The following GOLGA5 variants were observed in gnomAD, a reference collection of about 807,000 sequenced individuals.
GOLGA5 encodes golgin A5, also known as golgin subfamily A member 5.
GOLGA5 carries 50 observed loss-of-function variants against 93.5 expected under a neutral mutation model. The ratio of observed to expected loss-of-function variants is 0.53; its 90% confidence interval spans 0.43 to 0.68. The LOEUF (loss-of-function observed/expected upper bound fraction) is 0.68. GOLGA5 is among the 30% of genes least tolerant of loss of function. GOLGA5 has a pLI of 0.00. For missense variants in GOLGA5, 760 were observed against 856.4 expected, an observed-to-expected ratio of 0.89 and a Z score of 1.40; for synonymous variants, 312 against 304.5, an observed-to-expected ratio of 1.02 and a Z score of -0.26.
intron 9 of GOLGA5, among the ~76,000 whole-genome samples, chr14:92,831,917 G>C (rs1885539620): frequency 6.6e-6 from 1 of 152,144 alleles, no homozygotes; most frequent in Admixed American, 6.6e-5. Context: ...AAGGAAACAG[G>C]CTCAGATTTA....
At position 92,816,315 on chromosome 14, in the gene GOLGA5, C is replaced by T. The variant is rs763747760; in HGVS notation, c.1385C>T (p.Thr462Ile). The part of the protein sequence containing the change: ...GSGFEGLDSS[T>I]ASSMELEELR... Reference sequence around the variant, plus strand: ...GGTTTTGAAGGCCTAGATAGCAGCACTGCCAGTAGCATGGAGCTGGAAGAA... The same window carrying T: ...GGTTTTGAAGGCCTAGATAGCAGCATTGCCAGTAGCATGGAGCTGGAAGAA... Residue 462 changes from threonine (T) to isoleucine (I), a missense_variant, in exon 7 of 13, where the codon ACT becomes ATT. Thr to Ile is a moderately conservative substitution (Grantham distance 89). Transcript: ENST00000163416. The T allele has an allele frequency of 1.9e-6, 3 of 1,613,774 alleles. No homozygotes were observed. Among genetic ancestry groups the T allele is most frequent in the Admixed American group, 1.7e-5 (1 of 60,010 alleles).
At chr14:92,806,051 A>G (rs1884979121) in intron 2 of GOLGA5, among the ~76,000 whole-genome samples, 1 of 149,042 alleles carries the variant, frequency 6.7e-6, no homozygotes, top group African/African-American at 2.5e-5. Context: ...CAGCTACTCT[A>G]TTGTGCCTTC....
At position 92,809,497 on chromosome 14, in the gene GOLGA5, G is replaced by T; in HGVS notation, c.970G>T (p.Ala324Ser). The T allele has an allele frequency of 6.2e-7, 1 of 1,610,932 alleles. No individual in the cohort carries two copies. Among genetic ancestry groups the T allele is most frequent in the South Asian group, 1.1e-5 (1 of 90,874 alleles). Residue 324 changes from alanine to serine, a missense_variant, in exon 4 of 13, where the codon GCC becomes TCC. Physicochemically the swap from Ala to Ser is moderately conservative, Grantham distance 99. Coordinates refer to ENST00000163416, the MANE Select transcript of GOLGA5 (RefSeq NM_005113.4). The stretch of plus-strand genomic sequence containing the variant: ...GAGTACTCGCACAGAAGCATTAGAA[G>T]CCTTACAGAGTGAAAAATCACGGTA... ...LLSTRTEALEALQSEKSRIMQ... is the reference protein window; with the variant it reads ...LLSTRTEALESLQSEKSRIMQ...
chr14:92,822,687 C>G (rs145702513), intron 8 of GOLGA5, among the ~76,000 whole-genome samples: 1 of 152,042 alleles, frequency 6.6e-6, no homozygotes, highest in Non-Finnish European at 1.5e-5. Flanking sequence ...GACGGAGTGT[C>G]GCTCTGTTGC....
chr14:92,838,836 C>T (rs912139167), intron 12 of GOLGA5, among the ~76,000 whole-genome samples: 2 of 151,744 alleles, frequency 1.3e-5, no homozygotes, highest in Admixed American at 6.6e-5. Flanking sequence ...TTCTGGCACA[C>T]GACAAAGTGG....
intron 8 of GOLGA5, 128 bp from the exon 9 acceptor site, chr14:92,824,418 G>A (rs919676317): frequency 3.5e-6 from 2 of 568,024 alleles, no homozygotes; most frequent in South Asian, 2.5e-5. Context: ...TATAAACTCA[G>A]TTATATACGG....
At chr14:92,803,128 C>T (rs926489627) in intron 2 of GOLGA5, among the ~76,000 whole-genome samples, 1 of 152,092 alleles carries the variant, frequency 6.6e-6, no homozygotes, top group Non-Finnish European at 1.5e-5. Flanking sequence ...CTCAATCTCC[C>T]AGGCTCAAGC....
At chr14:92,808,054 G>A (rs889908660) in intron 3 of GOLGA5, among the ~76,000 whole-genome samples, 1 of 152,070 alleles carries the variant, frequency 6.6e-6, no homozygotes, top group Non-Finnish European at 1.5e-5. Context: ...CCAACATGGT[G>A]AAACCCGTCT....
chr14:92,823,370 T>C (rs1595600474), intron 8 of GOLGA5, among the ~76,000 whole-genome samples: 1 of 151,994 alleles, frequency 6.6e-6, no homozygotes, highest in Non-Finnish European at 1.5e-5. Context: ...TGTTTTAATG[T>C]CTTTATGACC....
intron 6 of GOLGA5, 107 bp downstream of exon 6, chr14:92,811,861 A>G (rs1242021449): frequency 2.2e-5 from 18 of 805,880 alleles, no homozygotes; most frequent in Non-Finnish European, 3.8e-5. Flanking sequence ...TGTTCGTCTG[A>G]TTGGCTAGCT....
At chr14:92,830,441 G>A (rs1398678113) in intron 9 of GOLGA5, among the ~76,000 whole-genome samples, 1 of 150,694 alleles carries the variant, frequency 6.6e-6, no homozygotes, top group African/African-American at 2.4e-5. Context: ...TATCATTAGT[G>A]TTAGTGTATT....
intron 11 of GOLGA5, among the ~76,000 whole-genome samples, chr14:92,836,744 C>T (rs1341970661): frequency 1.3e-5 from 2 of 152,116 alleles, no homozygotes; most frequent in African/African-American, 4.8e-5. Context: ...CCCACCTAAT[C>T]TTTCGTAACT....
chr14:92,799,778 G>C (rs1227489035), intron 2 of GOLGA5, among the ~76,000 whole-genome samples: 3 of 151,432 alleles, frequency 2.0e-5, no homozygotes, highest in Admixed American at 6.6e-5. Flanking sequence ...GCTAATTTTT[G>C]TATTTTTTGG....
chr14:92,827,908 T>C (rs983569246), intron 9 of GOLGA5, among the ~76,000 whole-genome samples: 5 of 152,170 alleles, frequency 3.3e-5, no homozygotes, highest in African/African-American at 1.2e-4. Flanking sequence ...GCCCTAACTC[T>C]CTTCAATTCT....
intron 2 of GOLGA5, among the ~76,000 whole-genome samples, chr14:92,804,270 T>C (rs559470896): frequency 5.9e-5 from 9 of 152,190 alleles, no homozygotes; most frequent in African/African-American, 1.9e-4. Flanking sequence ...CTCACTGTAT[T>C]GCCCGGGCTG....
chr14:92,811,621 C>G lies in GOLGA5; in HGVS notation c.1187C>G (p.Ala396Gly). The G allele has an allele frequency of 6.2e-7, 1 of 1,612,480 alleles. No individual in the cohort carries two copies. The change falls in exon 6 of 13, where the codon GCC becomes GGC. Residue 396 changes from alanine (A) to glycine (G), a missense_variant. Ala to Gly is a moderately conservative substitution (Grantham distance 60). Transcript: ENST00000163416. ...RQNLAEAITL[A>G]ERKYSDEKKR... The stretch of plus-strand genomic sequence containing the variant: ...AATTTAGCAGAAGCAATTACACTGG[C>G]CGAAAGAAAATACTCAGATGAGAAG...
chr14:92,808,808 A>G (rs1001514189), intron 3 of GOLGA5, among the ~76,000 whole-genome samples: 2 of 151,778 alleles, frequency 1.3e-5, no homozygotes, highest in African/African-American at 2.4e-5. Flanking sequence ...TGGAAATGCC[A>G]TTGTATTCTG....
At chr14:92,800,790 A>C (rs1013625514) in intron 2 of GOLGA5, among the ~76,000 whole-genome samples, 2 of 152,232 alleles carry the variant, frequency 1.3e-5, no homozygotes, top group African/African-American at 4.8e-5. Context: ...CTTTAAGTCA[A>C]GAGTTGACAT....
At chr14:92,817,832 A>G (rs952629070) in intron 7 of GOLGA5, among the ~76,000 whole-genome samples, 4 of 152,240 alleles carry the variant, frequency 2.6e-5, no homozygotes, top group Non-Finnish European at 5.9e-5. Flanking sequence ...TGCTTCCACA[A>G]GGCACTTCAT....
Sources: gnomAD v4.1 joint callset for allele counts (sites outside exome capture counted in the v4.1 genomes callset) on GRCh38, gnomAD v4.1.1 for gene constraint, MANE v1.5 for transcripts, NCBI Gene and HGNC (gene_info 2026-07-23, HGNC 2026-07-21) for gene names.